The following FBXL13 variants were observed in gnomAD, a reference collection of about 807,000 sequenced individuals.
FBXL13 encodes F-box and leucine-rich repeat protein 13.
Under a neutral mutation model 83.6 loss-of-function variants are expected in FBXL13, and 67 were observed. The ratio of observed to expected loss-of-function variants is 0.80; its 90% CI spans 0.66 to 0.98. The LOEUF (loss-of-function observed/expected upper bound fraction) is 0.98. FBXL13 is among the 50% of genes least tolerant of loss of function. The pLI, the probability that FBXL13 is intolerant of heterozygous loss-of-function variation, is 0.00. For missense variants in FBXL13, 822 were observed against 866.5 expected (o/e 0.95, Z 0.64); for synonymous variants, 272 against 299.5 (o/e 0.91, Z 0.95).
intron 8 of FBXL13, chr7:102,934,037 T>TC (rs1819754210): frequency 6.2e-7 from 1 of 1,614,034 alleles, no homozygotes; most frequent in Admixed American, 1.7e-5. Flanking sequence ...CCGGAGAGGC[T>TC]CCAACCCGGT....
intron 6 of FBXL13, among the ~76,000 whole-genome samples, chr7:102,984,074 A>T (rs2129483751): frequency 6.6e-6 from 1 of 152,302 alleles, no homozygotes; most frequent in South Asian, 2.1e-4. Flanking sequence ...TGCTTCTTAT[A>T]AGTGGTTGAT....
At chr7:102,853,674 G>GA (rs879768097) in intron 17 of FBXL13, among the ~76,000 whole-genome samples, 2 of 151,804 alleles carry the variant, frequency 1.3e-5, no homozygotes, top group South Asian at 2.1e-4. Context: ...AAATTTACAA[G>GA]AAAAAAACAA....
At chr7:102,961,488 T>C (rs2129478898) in intron 8 of FBXL13, among the ~76,000 whole-genome samples, 1 of 141,578 alleles carries the variant, frequency 7.1e-6, no homozygotes, top group African/African-American at 2.6e-5. Flanking sequence ...AAAACTACTT[T>C]AAAGTTCATA....
chr7:102,859,585 A>G (rs1325884553), intron 16 of FBXL13, among the ~76,000 whole-genome samples: 1 of 151,814 alleles, frequency 6.6e-6, no homozygotes, highest in Non-Finnish European at 1.5e-5. Flanking sequence ...GAGGGACAGG[A>G]AGAGTGGAGT....
intron 11 of FBXL13, among the ~76,000 whole-genome samples, chr7:102,903,940 T>TTTAC (rs199761151): frequency 3.8e-4 from 32 of 83,250 alleles, no homozygotes; most frequent in African/African-American, 1.9e-3. Flanking sequence ...TTTTCTTTTC[T>TTTAC]TTTTTTTTTT....
intron 1 of FBXL13, among the ~76,000 whole-genome samples, chr7:103,074,063 C>T (rs1352626922): frequency 6.6e-6 from 1 of 152,204 alleles, no homozygotes; most frequent in African/African-American, 2.4e-5. Context: ...TCTTCCTTCC[C>T]TACTCTTATA....
intron 2 of FBXL13, among the ~76,000 whole-genome samples, chr7:103,050,877 CAA>C (rs1796740894): frequency 6.6e-6 from 1 of 152,162 alleles, no homozygotes; most frequent in Admixed American, 6.6e-5. Flanking sequence ...ACAGATTAAT[CAA>C]AAGAGAATAG....
At chr7:102,865,425 T>TCTTGGCTCACTGCAAGCTCCGC (rs1485870212) in intron 16 of FBXL13, among the ~76,000 whole-genome samples, 2 of 152,138 alleles carry the variant, frequency 1.3e-5, no homozygotes, top group African/African-American at 4.8e-5. Context: ...TTTCTCTTCA[T>TCTTGGCTCACTGCAAGCTCCGC]CTCCCAAGCG....
At chr7:102,811,399 C>A (rs1281202979), downstream of FBXL13, among the ~76,000 whole-genome samples, 2 of 152,200 alleles carry the variant, frequency 1.3e-5, no homozygotes, top group African/African-American at 4.8e-5. Flanking sequence ...TAAAAGATTT[C>A]TCTACCTGTA....
At chr7:102,959,141 CT>C (rs1333475741) in intron 8 of FBXL13, among the ~76,000 whole-genome samples, 1 of 152,014 alleles carries the variant, frequency 6.6e-6, no homozygotes, top group Non-Finnish European at 1.5e-5. Context: ...AATTGACAAG[CT>C]ATTAAAACCA....
chr7:103,068,419 GAC>G (rs1798598444), intron 1 of FBXL13, among the ~76,000 whole-genome samples: 1 of 152,112 alleles, frequency 6.6e-6, no homozygotes, highest in Non-Finnish European at 1.5e-5. Flanking sequence ...AGTGAAACAA[GAC>G]AGTCTCCCTA....
intron 1 of FBXL13, among the ~76,000 whole-genome samples, chr7:103,058,536 C>T (rs1797555421): frequency 6.6e-6 from 1 of 152,242 alleles, no homozygotes; most frequent in Non-Finnish European, 1.5e-5. Context: ...CATCTGCTCT[C>T]TAGCACTTCT....
At chr7:102,891,762 T>C (rs558166110) in intron 11 of FBXL13, among the ~76,000 whole-genome samples, 1 of 152,370 alleles carries the variant, frequency 6.6e-6, no homozygotes, top group Non-Finnish European at 1.5e-5. Context: ...GCCAACTCTG[T>C]GTGCATTTAC....
chr7:103,004,167 C>T (rs1790723781), intron 6 of FBXL13, among the ~76,000 whole-genome samples: 1 of 152,210 alleles, frequency 6.6e-6, no homozygotes, highest in Non-Finnish European at 1.5e-5. Flanking sequence ...GTCTTGCTGT[C>T]TAGCTTGTTC....
intron 8 of FBXL13, among the ~76,000 whole-genome samples, chr7:102,954,516 C>T (rs867128411): frequency 2.0e-5 from 3 of 152,204 alleles, no homozygotes; most frequent in South Asian, 4.2e-4. Flanking sequence ...AACATCATAA[C>T]GACAGGAAAA....
intron 16 of FBXL13, among the ~76,000 whole-genome samples, chr7:102,858,482 A>C (rs1438660778): frequency 6.6e-6 from 1 of 152,194 alleles, no homozygotes; most frequent in African/African-American, 2.4e-5. Context: ...GAGGTGATGG[A>C]TACTAACTAC....
chr7:103,046,656 A>C (rs1272465049), intron 2 of FBXL13, among the ~76,000 whole-genome samples: 5 of 152,216 alleles, frequency 3.3e-5, no homozygotes, highest in Non-Finnish European at 7.3e-5. Flanking sequence ...CCCCCTCATC[A>C]TTTCTATTGG....
At chr7:103,027,992 TCTAA>T (rs1794125981) in intron 4 of FBXL13, among the ~76,000 whole-genome samples, 1 of 152,158 alleles carries the variant, frequency 6.6e-6, no homozygotes. Flanking sequence ...GAGGGTCCAC[TCTAA>T]CTGAGGTACC....
chr7:102,858,406 A>G (rs1239926848), intron 16 of FBXL13, among the ~76,000 whole-genome samples: 1 of 152,224 alleles, frequency 6.6e-6, no homozygotes, highest in African/African-American at 2.4e-5. Flanking sequence ...AATTTATTGT[A>G]TATTTTCAAG....
Sources: gnomAD v4.1 joint callset for allele counts (sites outside exome capture counted in the v4.1 genomes callset) on GRCh38, gnomAD v4.1.1 for gene constraint, MANE v1.5 for transcripts, NCBI Gene and HGNC (gene_info 2026-07-23, HGNC 2026-07-21) for gene names.